The following BBX variants were observed in gnomAD, a reference collection of about 807,000 sequenced individuals.
BBX encodes HMG box transcription factor BBX.
BBX carries 30 observed loss-of-function variants against 100.2 expected under a neutral mutation model. That is an observed-to-expected ratio of 0.30 (90% CI 0.22 to 0.41). The LOEUF (loss-of-function observed/expected upper bound fraction) is 0.41, where lower values mean the gene tolerates loss of function less well. Ranked by LOEUF, BBX falls within the 10% of genes least tolerant of loss-of-function variation. The pLI, the probability that BBX is intolerant of heterozygous loss-of-function variation, is 1.00. For missense variants in BBX, 1,023 were observed against 1,129.8 expected, an observed-to-expected ratio of 0.91 and a Z score of 1.35; for synonymous variants, 376 against 388.1, an observed-to-expected ratio of 0.97 and a Z score of 0.37.
rs112037843 is a variant in BBX, at chr3:107,576,635, A to G, written c.-84+50237A>G. Among the ~76,000 whole-genome samples the G allele has an allele frequency of 2.7e-3, 415 of 152,316 alleles. 3 individuals are homozygous for G. The highest frequency in any genetic ancestry group is 9.4e-3 in the African/African-American group (389 of 41,572). ...ATTAATCAGATGAAATTATAAATTC[A>G]ATAAATTTGTGATGCAAATTTACTT... On this transcript the variant is annotated intron_variant, in intron 2 of 17. Coordinates refer to ENST00000325805, the MANE Select transcript of BBX (RefSeq NM_001142568.3).
At chr3:107,552,536 C>T (rs184176130) in intron 2 of BBX, among the ~76,000 whole-genome samples, 1 of 152,068 alleles carries the variant, frequency 6.6e-6, no homozygotes, top group African/African-American at 2.4e-5. Context: ...GGTACCCCCA[C>T]GAGCTTTCGC....
chr3:107,580,011 C>T (rs879503962), intron 2 of BBX, among the ~76,000 whole-genome samples: 8 of 151,766 alleles, frequency 5.3e-5, no homozygotes, highest in South Asian at 2.1e-4. Context: ...TTTTTCCCTA[C>T]GTAACTTTGG....
At chr3:107,742,509 G>T (rs1475985702) in intron 7 of BBX, among the ~76,000 whole-genome samples, 4 of 152,018 alleles carry the variant, frequency 2.6e-5, no homozygotes, top group African/African-American at 9.7e-5. Context: ...TTTAAAGTAA[G>T]AATAACTAGG....
At chr3:107,777,038 T>C (rs1158878153) in intron 12 of BBX, among the ~76,000 whole-genome samples, 2 of 152,150 alleles carry the variant, frequency 1.3e-5, no homozygotes, top group African/African-American at 2.4e-5. Context: ...AAATACTAAA[T>C]AGAAAATTGC....
chr3:107,682,090 A>G (rs1559962234), intron 3 of BBX, among the ~76,000 whole-genome samples: 1 of 152,194 alleles, frequency 6.6e-6, no homozygotes, highest in Non-Finnish European at 1.5e-5. Context: ...TGTACTTCAC[A>G]TAAAACTAAT....
At chr3:107,724,965 A>G (rs1280364416) in intron 5 of BBX, among the ~76,000 whole-genome samples, 5 of 152,100 alleles carry the variant, frequency 3.3e-5, no homozygotes, top group African/African-American at 1.2e-4. Flanking sequence ...GTAGCTTGAT[A>G]GGGATCGCAT....
intron 2 of BBX, among the ~76,000 whole-genome samples, chr3:107,556,664 A>G (rs541214399): frequency 2.0e-5 from 3 of 152,338 alleles, no homozygotes; most frequent in Admixed American, 2.0e-4. Flanking sequence ...CAGGTTACCC[A>G]TTATAAATTT....
rs1426706613 is a variant in BBX at position 107,716,683 on chromosome 3, C to T, written c.239C>T (p.Ala80Val). 1 of 1,613,816 alleles carries T rather than the reference C, an allele frequency of 6.2e-7. No individual in the cohort carries two copies. Among genetic ancestry groups the T allele is most frequent in the Admixed American group, 1.7e-5 (1 of 59,958 alleles). Reference protein sequence around the residue: ...TEDDESPEQRARRPMNAFLLF... With the variant: ...TEDDESPEQRVRRPMNAFLLF... Reference sequence around the variant, plus strand: ...GATGATGAATCACCAGAGCAGCGAGCCCGGAGACCAATGAATGCATTTCTT... The same window carrying T: ...GATGATGAATCACCAGAGCAGCGAGTCCGGAGACCAATGAATGCATTTCTT... The change falls in exon 5 of 18, where the codon GCC becomes GTC. Residue 80 changes from alanine (A) to valine (V), a missense_variant. This residue lies in a region of BBX where 229 missense variants were observed against 226.3 expected (regional missense o/e 1.01). Transcript: ENST00000325805.
At chr3:107,801,328 A>G (rs1326331444) in intron 17 of BBX, 47 bp downstream of exon 17, 1 of 1,581,448 alleles carries the variant, frequency 6.3e-7, no homozygotes, top group African/African-American at 1.3e-5. Context: ...AAACCAGATC[A>G]ACCTCTTTGA....
intron 5 of BBX, among the ~76,000 whole-genome samples, chr3:107,722,804 A>C (rs979455951): frequency 1.3e-5 from 2 of 152,016 alleles, no homozygotes; most frequent in African/African-American, 4.8e-5. Flanking sequence ...TAATGCATTG[A>C]GTTATATTAT....
chr3:107,701,833 A>G lies in BBX; in HGVS notation c.-9-8619A>G, dbSNP rs2061080929. On this transcript the variant is annotated intron_variant, in intron 3 of 17. Transcript: ENST00000325805. ...TCATCTGTAAAAAAAAAAAGGGGAT[A>G]ATAGTACCTACCTTTTAGGCTTATT... 3.3e-5 allele frequency among the ~76,000 whole-genome samples: 5 copies of G among 152,152 alleles called. No homozygotes were observed. The South Asian group carries it at 1.0e-3, about 32-fold the overall frequency.
At chr3:107,547,234 C>T (rs1383669922) in intron 2 of BBX, among the ~76,000 whole-genome samples, 2 of 151,990 alleles carry the variant, frequency 1.3e-5, no homozygotes, top group African/African-American at 4.8e-5. Flanking sequence ...AATTATACTG[C>T]AGAACTGAAA....
At chr3:107,803,264 A>T (rs913134194) in intron 17 of BBX, among the ~76,000 whole-genome samples, 1 of 152,212 alleles carries the variant, frequency 6.6e-6, no homozygotes, top group South Asian at 2.1e-4. Context: ...TTTACCATCA[A>T]CCTAATAAAT....
intron 13 of BBX, among the ~76,000 whole-genome samples, chr3:107,779,488 G>GT (rs1227840642): frequency 6.6e-6 from 1 of 152,024 alleles, no homozygotes; most frequent in Non-Finnish European, 1.5e-5. Flanking sequence ...AAGAACTTGG[G>GT]TGGCTGGGCT....
intron 3 of BBX, among the ~76,000 whole-genome samples, chr3:107,692,848 C>A (rs1426903721): frequency 8.7e-5 from 13 of 149,498 alleles, no homozygotes; most frequent in Non-Finnish European, 4.5e-5. Context: ...TCCACATCCT[C>A]TCCAGCACCT....
intron 2 of BBX, among the ~76,000 whole-genome samples, chr3:107,532,995 G>A (rs935089397): frequency 6.6e-6 from 1 of 151,496 alleles, no homozygotes; most frequent in African/African-American, 2.4e-5. Context: ...TTTTCCTTCA[G>A]AAGTGTGGTA....
intron 13 of BBX, among the ~76,000 whole-genome samples, chr3:107,781,939 T>A (rs2067935423): frequency 6.6e-6 from 1 of 152,144 alleles, no homozygotes; most frequent in South Asian, 2.1e-4. Flanking sequence ...CAGAATCCTC[T>A]GTTTGAGGTG....
chr3:107,620,943 T>G (rs660045), intron 2 of BBX, among the ~76,000 whole-genome samples: 73,660 of 112,732 alleles, frequency 0.65, 23,312 homozygotes, highest in East Asian at 0.91. Context: ...AGTGTGTGTG[T>G]GGGGGGGTGG....
Position 107,789,819 on chromosome 3 carries a change from C to A in BBX, c.2236C>A (p.His746Asn), listed in dbSNP as rs1485402607. ...CCAGTCTCAGAAAAAGAACTTATTCCACAAAATTGTCAGCAAATATAAGCA... is the reference window on the plus strand; with the variant it reads ...CCAGTCTCAGAAAAAGAACTTATTCAACAAAATTGTCAGCAAATATAAGCA... Reference protein sequence around the residue: ...PFQSQKKNLFHKIVSKYKHKK... With the variant: ...PFQSQKKNLFNKIVSKYKHKK... Residue 746 changes from histidine (H) to asparagine (N), a missense_variant, in exon 14 of 18, where the codon CAC becomes AAC. Physicochemically the swap from His to Asn is moderately conservative, Grantham distance 68. Transcript: ENST00000325805. 4.5e-6 allele frequency: 7 copies of A among 1,548,980 alleles called. No individual in the cohort carries two copies. The highest frequency in any genetic ancestry group is 6.1e-6 in the Non-Finnish European group (7 of 1,145,160).
Sources: gnomAD v4.1 joint callset for allele counts (sites outside exome capture counted in the v4.1 genomes callset) on GRCh38, gnomAD v4.1.1 for gene constraint, gnomAD v4.1.1 regional missense constraint, MANE v1.5 for transcripts, NCBI Gene and HGNC (gene_info 2026-07-23, HGNC 2026-07-21) for gene names.